ANK3: variants seen among roughly 807,000 people sequenced by gnomAD.
The protein encoded by ANK3 is ankyrin 3.
Under a neutral mutation model 370.9 loss-of-function variants are expected in ANK3, and 57 were observed. That is an observed-to-expected ratio of 0.15 (90% CI 0.12 to 0.19). ANK3 has a LOEUF of 0.19. Ranked by LOEUF, ANK3 falls within the 10% of genes least tolerant of loss-of-function variation. The probability of loss-of-function intolerance (pLI) is 1.00; values close to 1 mark genes in which losing one functional copy is unlikely to be tolerated. For synonymous variants in ANK3, 1,929 were observed against 1,946.3 expected, an observed-to-expected ratio of 0.99 and a Z score of 0.23; for missense variants, 4,439 against 5,302.1, an observed-to-expected ratio of 0.84 and a Z score of 5.06.
chr10:60,468,876 C>T (rs2065072154), intron 2 of ANK3, among the ~76,000 whole-genome samples: 1 of 149,484 alleles, frequency 6.7e-6, no homozygotes, highest in African/African-American at 2.5e-5. Context: ...TTTTAATATT[C>T]TAATATTTCT....
intron 1 of ANK3, among the ~76,000 whole-genome samples, chr10:60,286,655 C>T (rs72822222): frequency 0.016 from 2,492 of 152,252 alleles, 28 homozygotes; most frequent in Non-Finnish European, 0.024. Context: ...TAGTTAATTT[C>T]TAGTTAATTG....
chr10:60,503,708 T>C (rs1024156175), intron 2 of ANK3, among the ~76,000 whole-genome samples: 1 of 152,184 alleles, frequency 6.6e-6, no homozygotes, highest in African/African-American at 2.4e-5. Flanking sequence ...AATCCCAAGA[T>C]ATCTCATATT....
chr10:60,687,137 C>A (rs2079279097), intron 1 of ANK3, among the ~76,000 whole-genome samples: 1 of 152,148 alleles, frequency 6.6e-6, no homozygotes, highest in South Asian at 2.1e-4. Flanking sequence ...ATAATGTTTG[C>A]ACAAGGATGA....
upstream of ANK3, among the ~76,000 whole-genome samples, chr10:60,391,219 C>T (rs1594936499): frequency 1.3e-5 from 2 of 152,316 alleles, no homozygotes; most frequent in African/African-American, 2.4e-5. Flanking sequence ...AGGGAAACCA[C>T]GCTGGTCATA....
At chr10:60,636,987 T>C (rs1284763534) in intron 1 of ANK3, among the ~76,000 whole-genome samples, 3 of 152,216 alleles carry the variant, frequency 2.0e-5, no homozygotes, top group African/African-American at 7.2e-5. Context: ...ACCTGTTTCT[T>C]ACTTTCAAAT....
chr10:60,533,649 G>T (rs546298232), intron 2 of ANK3, among the ~76,000 whole-genome samples: 1 of 152,050 alleles, frequency 6.6e-6, no homozygotes, highest in African/African-American at 2.4e-5. Context: ...TGTAATGCAT[G>T]TTCATTTTGT....
intron 24 of ANK3, among the ~76,000 whole-genome samples, chr10:60,136,222 T>C (rs1246067997): frequency 6.6e-6 from 1 of 152,166 alleles, no homozygotes; most frequent in Admixed American, 6.6e-5. Context: ...AACAGAACTT[T>C]ATCCTATGAA....
rs940108627 is a variant in ANK3, at chr10:60,074,516, T to C, written c.6365A>G (p.Lys2122Arg). ...AAAGCCACTGTCAGACAAGGGACTT[T>C]TATCTTGGTCGTGTTGAGAAAAGTC... ...PDDFSQHDQD[K>R]SPLSDSGFET... is the part of the protein sequence containing the mutation. The change falls in exon 37 of 44, where the codon AAA becomes AGA. Residue 2122 changes from lysine to arginine, a missense_variant. Physicochemically the swap from Lys to Arg is conservative, Grantham distance 26. Around this residue, in one of 13 missense-constraint regions of ANK3, gnomAD observed 679 missense variants for 791.0 expected, o/e 0.86. Coordinates refer to ENST00000280772, the MANE Select transcript of ANK3 (RefSeq NM_020987.5). 7 of 1,613,654 alleles carry C rather than the reference T, an allele frequency of 4.3e-6. No individual in the cohort carries two copies. In the African/African-American group the frequency reaches 8.0e-5, roughly 18 times the overall value.
At chr10:60,352,332 A>G (rs1432744606) in intron 1 of ANK3, among the ~76,000 whole-genome samples, 2 of 151,516 alleles carry the variant, frequency 1.3e-5, no homozygotes, top group East Asian at 3.9e-4. Context: ...CAAAACAGAA[A>G]CTCTTTCTCA....
At chr10:60,363,559 T>C (rs1312422170) in intron 1 of ANK3, among the ~76,000 whole-genome samples, 1 of 152,196 alleles carries the variant, frequency 6.6e-6, no homozygotes, top group Non-Finnish European at 1.5e-5. Flanking sequence ...CACACGACCC[T>C]TTCTAGGTTG....
chr10:60,221,940 C>T (rs1250818648), intron 8 of ANK3, among the ~76,000 whole-genome samples: 1 of 152,160 alleles, frequency 6.6e-6, no homozygotes, highest in Non-Finnish European at 1.5e-5. Context: ...GTATTATATT[C>T]TTTAGCCATT....
chr10:60,108,090 C>A, intron 27 of ANK3: 3 of 282,764 alleles, frequency 1.1e-5, no homozygotes, highest in East Asian at 1.3e-4. Context: ...TAAAAATAAA[C>A]TTAAGACAAG....
chr10:60,644,797 T>C (rs1011009089), intron 1 of ANK3, among the ~76,000 whole-genome samples: 2 of 106,516 alleles, frequency 1.9e-5, no homozygotes, highest in Non-Finnish European at 3.9e-5. Flanking sequence ...AAGACAATTT[T>C]AAAATCAATA....
At chr10:60,059,753 T>C in intron 40 of ANK3, 1 of 1,614,162 alleles carries the variant, frequency 6.2e-7, no homozygotes, top group Non-Finnish European at 8.5e-7. Context: ...CAGGCATTTC[T>C]GTTAAAGGCA....
chr10:60,602,483 A>G (rs942250273), intron 2 of ANK3, among the ~76,000 whole-genome samples: 1 of 152,180 alleles, frequency 6.6e-6, no homozygotes, highest in African/African-American at 2.4e-5. Context: ...AATTGGAATT[A>G]TCCCCAAGGA....
At chr10:60,342,329 TTTC>T (rs1418029860) in intron 1 of ANK3, among the ~76,000 whole-genome samples, 1 of 152,180 alleles carries the variant, frequency 6.6e-6, no homozygotes, top group East Asian at 1.9e-4. Flanking sequence ...CTTCAGGGGT[TTTC>T]TTATTAAATG....
chr10:60,389,954 C>G, upstream of ANK3: 1 of 672,944 alleles, frequency 1.5e-6, no homozygotes, highest in Non-Finnish European at 1.8e-6. Flanking sequence ...CATGCAGAAG[C>G]AAAAATCCAG....
chr10:60,591,123 C>T (rs1011012649), intron 2 of ANK3, among the ~76,000 whole-genome samples: 1 of 151,998 alleles, frequency 6.6e-6, no homozygotes, highest in East Asian at 1.9e-4. Flanking sequence ...CGTCCAGCAG[C>T]GATCATGACC....
At chr10:60,209,317 G>A (rs2096814278) in intron 9 of ANK3, among the ~76,000 whole-genome samples, 1 of 152,142 alleles carries the variant, frequency 6.6e-6, no homozygotes, top group Non-Finnish European at 1.5e-5. Flanking sequence ...AGGAACCAGA[G>A]GTTTCTGAAT....
Sources: allele counts gnomAD v4.1 joint callset (sites outside exome capture counted in the v4.1 genomes callset), GRCh38; gene constraint gnomAD v4.1.1; regional missense constraint gnomAD v4.1.1; transcripts MANE v1.5; gene names NCBI Gene and HGNC (gene_info 2026-07-23, HGNC 2026-07-21).